Variants in PXK observed in about 807,000 individuals in gnomAD.
PXK encodes PX domain containing serine/threonine kinase like, also known as PX domain-containing protein kinase-like protein.
In PXK, 35 loss-of-function variants were observed where a neutral mutation model predicts 84.7. That is an observed-to-expected ratio of 0.41 (90% confidence interval 0.32 to 0.55). The LOEUF is 0.55. Ranked by LOEUF, PXK falls within the 20% of genes least tolerant of loss-of-function variation. The probability of loss-of-function intolerance (pLI) is 0.21; values close to 1 mark genes in which losing one functional copy is unlikely to be tolerated. For synonymous variants in PXK, 253 were observed against 260.8 expected (o/e 0.97, Z 0.29); for missense variants, 634 against 699.7 (o/e 0.91, Z 1.06).
Position 58,391,001 on chromosome 3 carries a change from A to G in PXK, c.467-146A>G, listed in dbSNP as rs773751587. On this transcript the variant is annotated intron_variant, in intron 5 of 17. Coordinates refer to ENST00000356151, the MANE Select transcript of PXK (RefSeq NM_017771.5). ...TTTAAGTATAGCCTTTACTATGCCA[A>G]CGTTATCAAATGGTTCTTTTACTTG... is the stretch of plus-strand genomic sequence containing the variant. 2.4e-5 allele frequency: 15 copies of G among 618,364 alleles called. 1 individual carries two copies. The highest frequency in any genetic ancestry group is 4.0e-5 in the Non-Finnish European group (14 of 352,206). 38.3% of individuals were successfully genotyped at this position (618,364 alleles called of 1,614,324 possible). A position where few individuals can be genotyped will look rare whatever the true frequency, so the allele number is the denominator to read the frequency against.
intron 1 of PXK, among the ~76,000 whole-genome samples, chr3:58,340,595 G>A (rs1394177239): frequency 1.3e-5 from 2 of 151,908 alleles, no homozygotes; most frequent in East Asian, 2.0e-4. Flanking sequence ...GCGTGGTGGC[G>A]CATGCCTGTA....
At position 58,401,681 on chromosome 3, in the gene PXK, C is replaced by T. The variant is rs943839151; in HGVS notation, c.1182-2181C>T. The stretch of plus-strand genomic sequence containing the variant: ...GTGGCTCATGCCTGTAATCCCAGCA[C>T]TTTAGGAGGCCAAGGCAGGTGGATC... On this transcript the variant is annotated intron_variant, in intron 12 of 17. Transcript: ENST00000356151. This position sits in a 1 kb window ranked among gnomAD's most constrained non-coding sequence, Gnocchi z 4.4. 6.6e-6 allele frequency among the ~76,000 whole-genome samples: 1 copy of T among 151,510 alleles called. No homozygotes were observed. The highest frequency in any genetic ancestry group is 1.5e-5 in the Non-Finnish European group (1 of 67,890).
chr3:58,397,250 AT>A lies in PXK; in HGVS notation c.984+51del. On this transcript the variant is annotated intron_variant, in intron 10 of 17. Coordinates refer to ENST00000356151, the MANE Select transcript of PXK (RefSeq NM_017771.5). This position sits in a 1 kb window ranked among gnomAD's most constrained non-coding sequence, Gnocchi z 4.7. ...GCAGGTTCATTTTTAGGTGTCAGTT[AT>A]CCCCATGATCTGCCCATGTAGGAAA... 4 of 1,572,120 alleles carry A rather than the reference AT, an allele frequency of 2.5e-6. No homozygotes were observed. The highest frequency in any genetic ancestry group is 2.6e-6 in the Non-Finnish European group (3 of 1,145,430).
chr3:58,375,838 C>A (rs938115669), intron 3 of PXK, among the ~76,000 whole-genome samples: 1 of 152,134 alleles, frequency 6.6e-6, no homozygotes, highest in Non-Finnish European at 1.5e-5. Flanking sequence ...CAATGCTAAG[C>A]ATTATAATTG....
At chr3:58,354,901 C>A (rs1282756371) in intron 1 of PXK, among the ~76,000 whole-genome samples, 1 of 151,942 alleles carries the variant, frequency 6.6e-6, no homozygotes, top group Non-Finnish European at 1.5e-5. Context: ...GTGGGATCAC[C>A]TGAGGTCAGG....
Position 58,364,385 on chromosome 3 carries a change from G to A in PXK, c.103-1489G>A, listed in dbSNP as rs1169660509. Among the ~76,000 whole-genome samples the A allele has an allele frequency of 6.6e-6, 1 of 152,004 alleles. No homozygotes were observed. The highest frequency in any genetic ancestry group is 1.5e-5 in the Non-Finnish European group (1 of 67,996). ...CTTGATACATATTTGGCGGGGGGAG[G>A]GGAGCGGAGTTTTTTAGTTATGAAT... On this transcript the variant is annotated intron_variant, in intron 1 of 17. Transcript: ENST00000356151. This position sits in a 1 kb window ranked among gnomAD's most constrained non-coding sequence, Gnocchi z 4.3.
At chr3:58,341,530 G>C (rs913001069) in intron 1 of PXK, among the ~76,000 whole-genome samples, 1 of 151,984 alleles carries the variant, frequency 6.6e-6, no homozygotes, top group African/African-American at 2.4e-5. Context: ...CCACTGCACT[G>C]CATCCTGGAT....
At position 58,332,910 on chromosome 3, in the gene PXK, G is replaced by T; in HGVS notation, c.-79G>T. 1.1e-6 allele frequency: 1 copy of T among 940,358 alleles called. No individual in the cohort carries two copies. Among genetic ancestry groups the T allele is most frequent in the African/African-American group, 1.8e-5 (1 of 56,312 alleles). 58.3% of individuals were successfully genotyped at this position (940,358 alleles called of 1,614,324 possible). On this transcript the variant is annotated 5_prime_UTR_variant, in exon 1 of 18. Coordinates refer to ENST00000356151, the MANE Select transcript of PXK (RefSeq NM_017771.5). This position sits in a 1 kb window ranked among gnomAD's most constrained non-coding sequence, Gnocchi z 5.6. ...GGCGCGTGTTGACAGCGGCGGCGGT[G>T]GAACCGGGCGGGCGGCGGGAGTCGG...
chr3:58,336,061 ATATATATATATTTTTTTTTT>A (rs1368864300), intron 1 of PXK, among the ~76,000 whole-genome samples: 99 of 57,874 alleles, frequency 1.7e-3, no homozygotes, highest in African/African-American at 9.5e-3. Flanking sequence ...ATATATATAT[ATATATATATATTTTTTTTTT>A]TTTTTTTTAA....
Position 58,424,548 on chromosome 3 carries a change from T to G in PXK, c.1529-204T>G, listed in dbSNP as rs187228538. On this transcript the variant is annotated intron_variant, in intron 17 of 17. Transcript: ENST00000356151. ...AACAGCCTTTAACATGACTATTGTT[T>G]GAGAAACATGGCAACTTTTAATTCC... 6.9e-4 allele frequency among the ~76,000 whole-genome samples: 105 copies of G among 152,360 alleles called. 1 individual carries two copies. Among genetic ancestry groups the G allele is most frequent in the African/African-American group, 2.3e-3 (94 of 41,574 alleles).
chr3:58,424,986 A>G lies in PXK; in HGVS notation c.*26A>G. 6.2e-7 allele frequency: 1 copy of G among 1,612,674 alleles called. No homozygotes were observed. The highest frequency in any genetic ancestry group is 8.5e-7 in the Non-Finnish European group (1 of 1,179,376). On this transcript the variant is annotated 3_prime_UTR_variant, in exon 18 of 18. Coordinates refer to ENST00000356151, the MANE Select transcript of PXK (RefSeq NM_017771.5). ...AGCTTCCTGTTTACACTTGGAGGGAAAAGTTCTTTTTTATTCCTACTCACC... is the reference window on the plus strand; with the variant it reads ...AGCTTCCTGTTTACACTTGGAGGGAGAAGTTCTTTTTTATTCCTACTCACC...
chr3:58,355,813 C>CGG (rs1431990929), intron 1 of PXK, among the ~76,000 whole-genome samples: 1 of 152,194 alleles, frequency 6.6e-6, no homozygotes, highest in Non-Finnish European at 1.5e-5. Flanking sequence ...AGGACTCCCA[C>CGG]CTTTCCAAAT....
intron 13 of PXK, among the ~76,000 whole-genome samples, chr3:58,406,514 T>C (rs1211720137): frequency 7.0e-6 from 1 of 142,618 alleles, no homozygotes; most frequent in East Asian, 2.2e-4. Flanking sequence ...TGGCCCCAAG[T>C]GGCCTCCCAA....
At chr3:58,359,140 T>C (rs2098137932) in intron 1 of PXK, among the ~76,000 whole-genome samples, 1 of 152,128 alleles carries the variant, frequency 6.6e-6, no homozygotes, top group Non-Finnish European at 1.5e-5. Context: ...AACTCAAAGC[T>C]ATGTAGTTTA....
chr3:58,352,207 C>T (rs1344736168), intron 1 of PXK, among the ~76,000 whole-genome samples: 1 of 152,170 alleles, frequency 6.6e-6, no homozygotes, highest in Non-Finnish European at 1.5e-5. Context: ...CTTCAGGTTC[C>T]AGAAGGGCTC....
intron 17 of PXK, chr3:58,420,953 C>T (rs1279688832): frequency 3.8e-6 from 4 of 1,049,928 alleles, no homozygotes; most frequent in Admixed American, 5.3e-5. Context: ...GAGTGTTAGG[C>T]ACTTGAGCTC....
chr3:58,369,784 A>G (rs2098336730), intron 3 of PXK, among the ~76,000 whole-genome samples: 1 of 147,764 alleles, frequency 6.8e-6, no homozygotes, highest in Admixed American at 6.9e-5. Flanking sequence ...AGATCGCACC[A>G]TTGCACTCCA....
chr3:58,365,290 G>A (rs1006692639), intron 1 of PXK, among the ~76,000 whole-genome samples: 6 of 152,064 alleles, frequency 3.9e-5, no homozygotes, highest in Non-Finnish European at 7.4e-5. Flanking sequence ...TTAGAACTGT[G>A]TTGTTTAGTT....
chr3:58,365,931 A>ATTTT lies in PXK; in HGVS notation c.153+8_153+9insTTTT, dbSNP rs759753174. ...TGTGGAAAACAGCTGGCAGGTAAGCATCTTTTTTTTTTTTTTTGTCAATTA... is the reference window on the plus strand; with the variant it reads ...TGTGGAAAACAGCTGGCAGGTAAGCATTTTTCTTTTTTTTTTTTTTTGTCAATTA... On this transcript the variant is annotated splice_region_variant and intron_variant, in intron 2 of 17. Coordinates refer to ENST00000356151, the MANE Select transcript of PXK (RefSeq NM_017771.5). The ATTTT allele has an allele frequency of 6.7e-7, 1 of 1,492,576 alleles. No individual in the cohort carries two copies. Among genetic ancestry groups the ATTTT allele is most frequent in the South Asian group, 1.3e-5 (1 of 79,034 alleles). 92.5% of individuals were successfully genotyped at this position (1,492,576 alleles called of 1,614,324 possible). A position where few individuals can be genotyped will look rare whatever the true frequency, so the allele number is the denominator to read the frequency against.
Sources: gnomAD v4.1 joint callset for allele counts (sites outside exome capture counted in the v4.1 genomes callset) on GRCh38, gnomAD v4.1.1 for gene constraint, Gnocchi (gnomAD v3.1) non-coding constraint, MANE v1.5 for transcripts, NCBI Gene and HGNC (gene_info 2026-07-23, HGNC 2026-07-21) for gene names.